Variants in MCCC2 observed in about 807,000 individuals in gnomAD.
MCCC2 encodes methylcrotonyl-CoA carboxylase subunit 2.
In MCCC2, 52 loss-of-function variants were observed where a neutral mutation model predicts 77.2. The observed-to-expected ratio is 0.67, with a 90% CI of 0.54 to 0.85. The LOEUF (loss-of-function observed/expected upper bound fraction) is 0.85. MCCC2 is among the 40% of genes least tolerant of loss of function. The pLI is 0.00. For missense variants in MCCC2, 682 were observed against 703.2 expected (o/e 0.97, Z 0.34); for synonymous variants, 253 against 248.4 (o/e 1.02, Z -0.18).
At chr5:71,645,393 CAT>C (rs1747248440) in intron 12 of MCCC2, among the ~76,000 whole-genome samples, 1 of 152,176 alleles carries the variant, frequency 6.6e-6, no homozygotes, top group African/African-American at 2.4e-5. Context: ...TTTCCTAACT[CAT>C]ACAATCTTTA....
intron 6 of MCCC2, among the ~76,000 whole-genome samples, chr5:71,608,903 C>G (rs923722694): frequency 1.3e-5 from 2 of 152,172 alleles, no homozygotes; most frequent in African/African-American, 4.8e-5. Flanking sequence ...GGCCCCTAGT[C>G]TCTTCTGGCT....
chr5:71,637,180 G>A (rs761966603), intron 10 of MCCC2, among the ~76,000 whole-genome samples: 1 of 152,128 alleles, frequency 6.6e-6, no homozygotes, highest in Non-Finnish European at 1.5e-5. Flanking sequence ...CAAATATGCT[G>A]AGATGTTCAA....
intron 3 of MCCC2, among the ~76,000 whole-genome samples, chr5:71,599,251 T>A (rs888709023): frequency 1.3e-5 from 2 of 152,080 alleles, no homozygotes; most frequent in Non-Finnish European, 2.9e-5. Context: ...ATGCCTGTAA[T>A]CCCAGTTACT....
chr5:71,652,676 G>A lies in MCCC2; in HGVS notation c.1496G>A (p.Ser499Asn). Residue 499 changes from serine to asparagine, a missense_variant, in exon 16 of 17, where the codon AGT becomes AAT. Coordinates refer to ENST00000340941, the MANE Select transcript of MCCC2 (RefSeq NM_022132.5). ...QRAREGKQFS[S>N]ADEAALKEPI... is the part of the protein sequence containing the mutation. ...TGGCCTCTTTTCCTTTAGTTCTCCAGTGCTGATGAAGCGGCTTTAAAAGAG... is the reference window on the plus strand; with the variant it reads ...TGGCCTCTTTTCCTTTAGTTCTCCAATGCTGATGAAGCGGCTTTAAAAGAG... The A allele has an allele frequency of 6.2e-7, 1 of 1,614,106 alleles. No individual in the cohort carries two copies. Among genetic ancestry groups the A allele is most frequent in the East Asian group, 2.2e-5 (1 of 44,880 alleles).
At chr5:71,612,022 TC>T (rs1435542798) in intron 6 of MCCC2, among the ~76,000 whole-genome samples, 1 of 151,718 alleles carries the variant, frequency 6.6e-6, no homozygotes, top group Non-Finnish European at 1.5e-5. Context: ...TCTCCTGACC[TC>T]GTGATCTGCC....
At chr5:71,592,539 A>G (rs569113277) in intron 1 of MCCC2, among the ~76,000 whole-genome samples, 1 of 152,350 alleles carries the variant, frequency 6.6e-6, no homozygotes, top group East Asian at 1.9e-4. Context: ...ACCTTCAAAA[A>G]GCTTATATTC....
At chr5:71,612,406 G>A (rs888084157) in intron 6 of MCCC2, among the ~76,000 whole-genome samples, 5 of 152,180 alleles carry the variant, frequency 3.3e-5, no homozygotes, top group African/African-American at 1.2e-4. Context: ...CAGTGACCAT[G>A]CCTACCTATA....
chr5:71,626,880 G>A (rs1746546623), intron 7 of MCCC2, 127 bp downstream of exon 7: 4 of 917,096 alleles, frequency 4.4e-6, no homozygotes, highest in South Asian at 1.4e-5. Flanking sequence ...ACTTACTGTT[G>A]TAACCGTTTT....
intron 10 of MCCC2, chr5:71,635,461 T>G (rs1746883974): frequency 3.2e-6 from 2 of 621,584 alleles, no homozygotes; most frequent in South Asian, 3.3e-5. Context: ...GGGACCTCAA[T>G]GATTGGAAAG....
chr5:71,622,840 CT>C (rs759174148), intron 6 of MCCC2, among the ~76,000 whole-genome samples: 3 of 152,180 alleles, frequency 2.0e-5, no homozygotes, highest in Non-Finnish European at 4.4e-5. Context: ...GACGCGGTGG[CT>C]CACGCCTGTA....
At position 71,649,150 on chromosome 5, in the gene MCCC2, A is replaced by C; in HGVS notation, c.1270A>C (p.Lys424Gln). ...EAEGIAKDGAKMVAAVACAQV... is the reference protein window; with the variant it reads ...EAEGIAKDGAQMVAAVACAQV... ...TGAAGGAATTGCCAAGGATGGTGCC[A>C]AGATGGTGGCCGCTGTGGCCTGTGC... The change falls in exon 14 of 17, where the codon AAG becomes CAG. Residue 424 changes from lysine (K) to glutamine (Q), a missense_variant. Lys to Gln is a moderately conservative substitution (Grantham distance 53). Transcript: ENST00000340941. 6.2e-7 allele frequency: 1 copy of C among 1,614,254 alleles called. No homozygotes were observed. The highest frequency in any genetic ancestry group is 1.3e-5 in the African/African-American group (1 of 75,078).
intron 10 of MCCC2, chr5:71,636,420 G>T: frequency 6.1e-6 from 1 of 163,668 alleles, no homozygotes; most frequent in Non-Finnish European, 1.3e-5. Context: ...CTTGAAAAAT[G>T]TGTTGGGCCA....
intron 6 of MCCC2, among the ~76,000 whole-genome samples, chr5:71,624,297 C>T (rs561143196): frequency 6.6e-6 from 1 of 152,374 alleles, no homozygotes; most frequent in African/African-American, 2.4e-5. Context: ...CACAAACATT[C>T]AGTCTGTAGT....
chr5:71,612,260 T>C (rs1745983066), intron 6 of MCCC2, among the ~76,000 whole-genome samples: 2 of 152,232 alleles, frequency 1.3e-5, no homozygotes, highest in African/African-American at 4.8e-5. Flanking sequence ...TGTGTTTTCA[T>C]TTCTTTATTG....
chr5:71,636,743 TAAAA>T (rs908803700), intron 10 of MCCC2: 19 of 151,828 alleles, frequency 1.3e-4, no homozygotes, highest in Admixed American at 3.3e-4. Context: ...AACAAATAAA[TAAAA>T]GAGAAAAATG....
intron 13 of MCCC2, among the ~76,000 whole-genome samples, chr5:71,646,785 G>C (rs1380943632): frequency 6.6e-6 from 1 of 152,228 alleles, no homozygotes; most frequent in Non-Finnish European, 1.5e-5. Context: ...AAAGCAGCAG[G>C]AGCATGATCT....
intron 6 of MCCC2, among the ~76,000 whole-genome samples, chr5:71,607,744 T>G (rs1431403345): frequency 1.3e-5 from 2 of 151,140 alleles, no homozygotes; most frequent in Non-Finnish European, 3.0e-5. Context: ...ACACACTGTT[T>G]GAATGCGTCC....
In MCCC2 at chr5:71,604,401, CA is replaced by C; in HGVS notation, c.558del (p.Asp187IlefsTer86). 2.5e-6 allele frequency: 4 copies of C among 1,614,084 alleles called. No homozygotes were observed. The highest frequency in any genetic ancestry group is 3.4e-6 in the Non-Finnish European group (4 of 1,180,028). ...AYLPRQADVF[P>X]DRDHFGRTFY... is the part of the protein sequence containing the mutation. Reference sequence around the variant, plus strand: ...TTACCTCGACAAGCAGATGTGTTTCCAGATCGAGACCACTTTGGCCGTACAT... The same window carrying C: ...TTACCTCGACAAGCAGATGTGTTTCCGATCGAGACCACTTTGGCCGTACAT... On this transcript the variant is annotated frameshift_variant, in exon 6 of 17. Coordinates refer to ENST00000340941, the MANE Select transcript of MCCC2 (RefSeq NM_022132.5). LOFTEE classifies it high-confidence loss of function.
rs886768501 is a variant in MCCC2, at chr5:71,590,801, G to A, written c.130-2125G>A. Among the ~76,000 whole-genome samples, 112 of 149,966 alleles carry A rather than the reference G, an allele frequency of 7.5e-4. 1 individual carries two copies. Among genetic ancestry groups the A allele is most frequent in the Admixed American group, 1.5e-3 (22 of 14,978 alleles). On this transcript the variant is annotated intron_variant, in intron 1 of 16. Transcript: ENST00000340941. ...TACTGCACTCCAGCCTGGGCGACAC[G>A]GCCAGACTCCGTCTCAAAAAAAAAA...
Sources: allele counts gnomAD v4.1 joint callset (sites outside exome capture counted in the v4.1 genomes callset), GRCh38; gene constraint gnomAD v4.1.1; transcripts MANE v1.5; gene names NCBI Gene and HGNC (gene_info 2026-07-23, HGNC 2026-07-21).